Variants in SPIDR observed in about 807,000 individuals in gnomAD.
SPIDR encodes DNA repair-scaffolding protein.
SPIDR carries 93 observed loss-of-function variants against 104.6 expected under a neutral mutation model. The observed-to-expected ratio is 0.89, with a 90% CI of 0.75 to 1.06. The LOEUF (loss-of-function observed/expected upper bound fraction) is 1.06. SPIDR is among the 50% of genes least tolerant of loss of function. SPIDR has a pLI of 0.00. For missense variants in SPIDR, 1,154 were observed against 1,111.2 expected (o/e 1.04, Z -0.55); for synonymous variants, 431 against 416.9 (o/e 1.03, Z -0.41).
Position 47,260,998 on chromosome 8 carries a change from T to G in SPIDR, c.33+7T>G, listed in dbSNP as rs924321194. The G allele has an allele frequency of 8.1e-7, 1 of 1,228,390 alleles. No homozygotes were observed. The highest frequency in any genetic ancestry group is 1.0e-6 in the Non-Finnish European group (1 of 985,644). 76.1% of individuals were successfully genotyped at this position (1,228,390 alleles called of 1,614,324 possible). A position where few individuals can be genotyped will look rare whatever the true frequency, so the allele number is the denominator to read the frequency against. ...CCGCGCTCGGGGCTCTAAGGTAGGC[T>G]CTGGGGCGGGAGTGGGCGCCGCGCC... On this transcript the variant is annotated splice_region_variant and intron_variant, in intron 1 of 19. Coordinates refer to ENST00000297423, the MANE Select transcript of SPIDR (RefSeq NM_001080394.4).
chr8:47,266,502 C>T (rs1315955063), intron 1 of SPIDR, among the ~76,000 whole-genome samples: 1 of 152,158 alleles, frequency 6.6e-6, no homozygotes, highest in East Asian at 1.9e-4. Context: ...TTTGGATTAA[C>T]ATTTATTATT....
chr8:47,713,487 A>T lies in SPIDR; in HGVS notation c.2189-2A>T, dbSNP rs773515895. The T allele has an allele frequency of 1.9e-6, 3 of 1,614,138 alleles. No homozygotes were observed. The highest frequency in any genetic ancestry group is 2.5e-6 in the Non-Finnish European group (3 of 1,180,020). On this transcript the variant is annotated splice_acceptor_variant, in intron 15 of 19. Transcript: ENST00000297423. LOFTEE classifies it high-confidence loss of function. ...AATAACCTGAAGTGTCTCTGTCGGC[A>T]GGTCGGATTGTTTGTGCTGAACGAA...
intron 4 of SPIDR, among the ~76,000 whole-genome samples, chr8:47,291,805 C>A (rs1237170120): frequency 6.6e-6 from 1 of 152,168 alleles, no homozygotes; most frequent in Non-Finnish European, 1.5e-5. Flanking sequence ...ACTGTGACAA[C>A]CAGTGTGTGG....
At chr8:47,550,652 C>T (rs1019819970) in intron 8 of SPIDR, among the ~76,000 whole-genome samples, 4 of 152,174 alleles carry the variant, frequency 2.6e-5, no homozygotes, top group African/African-American at 9.7e-5. Flanking sequence ...TGCTTATCAG[C>T]TTAAGGATCT....
intron 5 of SPIDR, among the ~76,000 whole-genome samples, chr8:47,296,553 G>C (rs924584792): frequency 5.9e-5 from 9 of 151,970 alleles, no homozygotes; most frequent in African/African-American, 2.2e-4. Flanking sequence ...TGGCACGTTT[G>C]TTGTAAATAA....
At chr8:47,384,057 C>T (rs1389113622) in intron 5 of SPIDR, among the ~76,000 whole-genome samples, 8 of 152,126 alleles carry the variant, frequency 5.3e-5, no homozygotes, top group African/African-American at 1.9e-4. Flanking sequence ...AACTCTAAAA[C>T]TGGAAAGAGA....
Position 47,712,856 on chromosome 8 carries a change from CG to C in SPIDR, c.2173del (p.Ala725LeufsTer23), listed in dbSNP as rs773678452. The C allele has an allele frequency of 1.5e-5, 25 of 1,613,938 alleles. No individual in the cohort carries two copies. Among genetic ancestry groups the C allele is most frequent in the Non-Finnish European group, 2.1e-5 (25 of 1,180,044 alleles). On this transcript the variant is annotated frameshift_variant, in exon 15 of 20. Transcript: ENST00000297423. LOFTEE classifies it high-confidence loss of function. ...CCCCTCACAGCCTCTTCTTCAAGGA[CG>C]CTCTCCGTGACCAGGGTGTGCTTGC... ...AAPHSLFFKD[A>X]LRDQGRIVCA...
chr8:47,661,742 A>G (rs550688469), intron 10 of SPIDR, among the ~76,000 whole-genome samples: 1 of 152,204 alleles, frequency 6.6e-6, no homozygotes, highest in Non-Finnish European at 1.5e-5. Flanking sequence ...CTCTATAGAT[A>G]CACAAAGATT....
At chr8:47,712,577 A>T in intron 14 of SPIDR, 85 bp from the exon 15 acceptor site, 1 of 1,319,376 alleles carries the variant, frequency 7.6e-7, no homozygotes, top group Non-Finnish European at 1.0e-6. Flanking sequence ...TTAAATTGTT[A>T]GTATATGTAT....
rs112051079 is a variant in SPIDR, at chr8:47,628,196, A to G, written c.1544+29000A>G. Among the ~76,000 whole-genome samples, 174 of 152,328 alleles carry G rather than the reference A, an allele frequency of 1.1e-3. 1 individual carries two copies. The highest frequency in any genetic ancestry group is 4.0e-3 in the African/African-American group (165 of 41,576). ...ATGCTTCCTGAGATAATGCTTTTAA[A>G]GAAAGCTAAATTTTGGCTACTTGGG... On this transcript the variant is annotated intron_variant, in intron 10 of 19. Transcript: ENST00000297423.
chr8:47,526,252 T>A (rs2084969186), intron 8 of SPIDR, among the ~76,000 whole-genome samples: 1 of 152,208 alleles, frequency 6.6e-6, no homozygotes, highest in Non-Finnish European at 1.5e-5. Context: ...TCACAACATG[T>A]GCATTTCTCA....
At chr8:47,607,890 AC>A (rs1323317657) in intron 10 of SPIDR, among the ~76,000 whole-genome samples, 3 of 148,892 alleles carry the variant, frequency 2.0e-5, no homozygotes, top group Non-Finnish European at 4.4e-5. Context: ...AGAAATTGGA[AC>A]TTGACTCATG....
chr8:47,379,127 T>C (rs2059023990), intron 5 of SPIDR, among the ~76,000 whole-genome samples: 1 of 152,028 alleles, frequency 6.6e-6, no homozygotes, highest in South Asian at 2.1e-4. Flanking sequence ...GCAGCCTACA[T>C]GTAGCCAGAG....
In SPIDR at chr8:47,350,261, A is replaced by C. The variant is rs551883068; in HGVS notation, c.526-46115A>C. ...AGCTCTGAGTGTGATTGCTAAGATT[A>C]GCGATTTTAAACCTTTTTTTCCTTG... is the stretch of plus-strand genomic sequence containing the variant. On this transcript the variant is annotated intron_variant, in intron 5 of 19. Coordinates refer to ENST00000297423, the MANE Select transcript of SPIDR (RefSeq NM_001080394.4). Among the ~76,000 whole-genome samples the C allele has an allele frequency of 2.7e-3, 418 of 152,340 alleles. 1 individual carries two copies. Among genetic ancestry groups the C allele is most frequent in the African/African-American group, 9.8e-3 (408 of 41,580 alleles).
At chr8:47,530,852 A>G (rs2085864967) in intron 8 of SPIDR, among the ~76,000 whole-genome samples, 1 of 152,154 alleles carries the variant, frequency 6.6e-6, no homozygotes, top group Non-Finnish European at 1.5e-5. Flanking sequence ...ACAGTTGTAC[A>G]AAATTATTTC....
At chr8:47,386,902 G>GAGAGATATAGATATAGATATAGATAT (rs1187194454) in intron 5 of SPIDR, among the ~76,000 whole-genome samples, 2 of 99,336 alleles carry the variant, frequency 2.0e-5, no homozygotes, top group Non-Finnish European at 4.1e-5. Flanking sequence ...AAGAGAGAGA[G>GAGAGATATAGATATAGATATAGATAT]AGATATAGAT....
rs1210372249 is a variant in SPIDR at position 47,669,861 on chromosome 8, G to A, written c.1545-3940G>A. Among the ~76,000 whole-genome samples the A allele has an allele frequency of 2.0e-5, 3 of 152,190 alleles. No individual in the cohort carries two copies. The South Asian group carries it at 6.2e-4, about 32-fold the overall frequency. On this transcript the variant is annotated intron_variant, in intron 10 of 19. Transcript: ENST00000297423. ...CTAAAAATACAAAAATTAGCCGGGC[G>A]TGGTGGCATACACCTATAGTCCCAG...
chr8:47,690,678 G>A (rs538336075), intron 11 of SPIDR, among the ~76,000 whole-genome samples: 2 of 152,036 alleles, frequency 1.3e-5, no homozygotes, highest in Non-Finnish European at 2.9e-5. Flanking sequence ...AATTAACCAG[G>A]CATGGTGGCA....
intron 5 of SPIDR, among the ~76,000 whole-genome samples, chr8:47,391,500 C>T (rs1358491513): frequency 1.3e-5 from 2 of 151,952 alleles, no homozygotes; most frequent in African/African-American, 4.8e-5. Context: ...GTGTTCACGC[C>T]ACCACACTTC....
Sources: allele counts gnomAD v4.1 joint callset (sites outside exome capture counted in the v4.1 genomes callset), GRCh38; gene constraint gnomAD v4.1.1; transcripts MANE v1.5; gene names NCBI Gene and HGNC (gene_info 2026-07-23, HGNC 2026-07-21).